The following ARHGAP12 variants were observed in gnomAD, a reference collection of about 807,000 sequenced individuals.
ARHGAP12 encodes the protein Rho GTPase activating protein 12, also known as rho GTPase-activating protein 12.
Under a neutral mutation model 108.6 loss-of-function variants are expected in ARHGAP12, and 64 were observed. The ratio of observed to expected loss-of-function variants is 0.59; its 90% CI spans 0.48 to 0.73. The LOEUF (loss-of-function observed/expected upper bound fraction) is 0.73, where lower values mean the gene tolerates loss of function less well. Ranked by LOEUF, ARHGAP12 falls within the 30% of genes least tolerant of loss-of-function variation. ARHGAP12 has a pLI of 0.00. For synonymous variants in ARHGAP12, 312 were observed against 337.2 expected (o/e 0.93, Z 0.82); for missense variants, 940 against 1,005.9 (o/e 0.93, Z 0.89).
In ARHGAP12 at chr10:31,806,359, G is replaced by GA. The variant is rs1447476984; in HGVS notation, c.*1298dup. 1 of 152,494 alleles carries GA rather than the reference G, an allele frequency of 6.6e-6. No individual in the cohort carries two copies. Among genetic ancestry groups the GA allele is most frequent in the East Asian group, 1.9e-4 (1 of 5,194 alleles). The allele number at this position is 152,494 out of a possible 1,614,324, so 9.4% of individuals were successfully genotyped here. A position where few individuals can be genotyped will look rare whatever the true frequency, so the allele number is the denominator to read the frequency against. On this transcript the variant is annotated 3_prime_UTR_variant, in exon 20 of 20. Coordinates refer to ENST00000344936, the MANE Select transcript of ARHGAP12 (RefSeq NM_018287.7). ...CATTTCATGTACAGAAGTTAATCTA[G>GA]AAAAATACATTTTAAAAATCTTCAA...
chr10:31,908,355 T>C lies in ARHGAP12; in HGVS notation c.501A>G (p.Lys167=), dbSNP rs772733370. 6.2e-7 allele frequency: 1 copy of C among 1,614,194 alleles called. No homozygotes were observed. The highest frequency in any genetic ancestry group is 2.2e-5 in the East Asian group (1 of 44,886). The change falls in exon 3 of 20, where the codon AAA becomes AAG. Residue 167 remains lysine (K), a synonymous_variant. Coordinates refer to ENST00000344936, the MANE Select transcript of ARHGAP12 (RefSeq NM_018287.7). Reference sequence around the variant, plus strand: ...AGCGTGTCCTATTCTGGCTGGAAACTTTAGGAGAATGTGAGTCATTGTTAA... The same window carrying C: ...AGCGTGTCCTATTCTGGCTGGAAACCTTAGGAGAATGTGAGTCATTGTTAA... ...GKFNNDSHSP[K]VSSQNRTRSF...
At chr10:31,839,462 G>A in intron 8 of ARHGAP12, 143 bp from the exon 9 acceptor site, 1 of 1,077,332 alleles carries the variant, frequency 9.3e-7, no homozygotes, top group African/African-American at 1.6e-5. Context: ...AACAAAAGGG[G>A]GACTTTTAAA....
intron 3 of ARHGAP12, among the ~76,000 whole-genome samples, chr10:31,875,029 C>T (rs2132346600): frequency 6.7e-6 from 1 of 148,882 alleles, no homozygotes; most frequent in Middle Eastern, 3.5e-3. Flanking sequence ...CATGTATCTG[C>T]CAGAAAACTT....
chr10:31,847,692 T>C (rs1836512984), intron 6 of ARHGAP12, among the ~76,000 whole-genome samples: 1 of 152,126 alleles, frequency 6.6e-6, no homozygotes, highest in Non-Finnish European at 1.5e-5. Flanking sequence ...ATAGGGAGGA[T>C]GCATCACAGG....
intron 10 of ARHGAP12, among the ~76,000 whole-genome samples, chr10:31,827,708 G>A (rs796419394): frequency 4.8e-4 from 73 of 151,748 alleles, no homozygotes; most frequent in African/African-American, 1.5e-3. Context: ...GGAGAATGGC[G>A]TGAACCCGGG....
intron 1 of ARHGAP12, among the ~76,000 whole-genome samples, chr10:31,911,556 C>T (rs1839349141): frequency 6.6e-6 from 1 of 152,168 alleles, no homozygotes; most frequent in Non-Finnish European, 1.5e-5. Flanking sequence ...TCATGTGATC[C>T]ACCCACCTCT....
intron 3 of ARHGAP12, among the ~76,000 whole-genome samples, chr10:31,890,110 T>C (rs1356275251): frequency 1.3e-5 from 2 of 152,122 alleles, no homozygotes; most frequent in Non-Finnish European, 2.9e-5. Context: ...TTAAACCTAA[T>C]GACAATTCTG....
chr10:31,928,109 CTGCAAGCCCCA>C (rs1454845484), intron 1 of ARHGAP12, among the ~76,000 whole-genome samples: 1 of 152,116 alleles, frequency 6.6e-6, no homozygotes, highest in Non-Finnish European at 1.5e-5. Flanking sequence ...GGGTGGAGGC[CTGCAAGCCCCA>C]CCGCGATTAG....
chr10:31,816,278 C>T (rs553947737), intron 13 of ARHGAP12, among the ~76,000 whole-genome samples: 23 of 149,310 alleles, frequency 1.5e-4, no homozygotes, highest in African/African-American at 5.7e-4. Context: ...CAAAACAAAA[C>T]AAAAATCCAC....
chr10:31,902,783 C>T (rs1838982795), intron 3 of ARHGAP12, among the ~76,000 whole-genome samples: 2 of 152,000 alleles, frequency 1.3e-5, no homozygotes. Flanking sequence ...TGATGGTTAA[C>T]TGTATGTGTC....
chr10:31,907,471 AAAT>A lies in ARHGAP12; in HGVS notation c.684+698_684+700del, dbSNP rs776749989. Among the ~76,000 whole-genome samples the A allele has an allele frequency of 6.4e-3, 803 of 125,358 alleles. 3 individuals are homozygous for A. Among genetic ancestry groups the A allele is most frequent in the Middle Eastern group, 0.017 (4 of 242 alleles). The allele number at this position is 125,358 out of a possible 152,430, so 82.2% of individuals were successfully genotyped here. On this transcript the variant is annotated intron_variant, in intron 3 of 19. Transcript: ENST00000344936. The stretch of plus-strand genomic sequence containing the variant: ...GAGATCCTGTCTCTAAAAAAAAAAA[AAAT>A]TTTTTTTTAATTAGCTGGCTGTGGT...
chr10:31,857,525 A>G (rs551337526), intron 4 of ARHGAP12, among the ~76,000 whole-genome samples: 88 of 152,296 alleles, frequency 5.8e-4, no homozygotes, highest in African/African-American at 2.0e-3. Context: ...GCCTATATTC[A>G]GATACAGCTA....
chr10:31,902,823 T>C (rs1386191472), intron 3 of ARHGAP12, among the ~76,000 whole-genome samples: 1 of 152,204 alleles, frequency 6.6e-6, no homozygotes, highest in Non-Finnish European at 1.5e-5. Flanking sequence ...ACTCAGATAT[T>C]TCCATTATTC....
Position 31,906,193 on chromosome 10 carries a change from G to A in ARHGAP12, c.684+1979C>T, listed in dbSNP as rs535717699. Among the ~76,000 whole-genome samples, 17 of 152,246 alleles carry A rather than the reference G, an allele frequency of 1.1e-4. 1 individual carries two copies. The South Asian group carries it at 3.3e-3, about 30-fold the overall frequency. On this transcript the variant is annotated intron_variant, in intron 3 of 19. Transcript: ENST00000344936. ...CCCCTCCAGCCCCAGCCTTCATTAG[G>A]ACTGCAACCTCAGGAGACATCCCTA...
chr10:31,867,118 GTT>G (rs1323433083), intron 3 of ARHGAP12, among the ~76,000 whole-genome samples: 3 of 138,518 alleles, frequency 2.2e-5, no homozygotes, highest in Admixed American at 7.2e-5. Context: ...TCTTTTTTTT[GTT>G]TTTTTTTTTT....
At chr10:31,818,397 A>C (rs1225562007) in intron 12 of ARHGAP12, among the ~76,000 whole-genome samples, 2 of 152,186 alleles carry the variant, frequency 1.3e-5, no homozygotes, top group Non-Finnish European at 2.9e-5. Flanking sequence ...TAAATGTCAC[A>C]CCCCTTTTGG....
chr10:31,821,216 A>G (rs913130495), intron 11 of ARHGAP12, among the ~76,000 whole-genome samples: 10 of 152,184 alleles, frequency 6.6e-5, no homozygotes, highest in African/African-American at 2.4e-4. Context: ...CAGCAATTTA[A>G]TGAGGAACTA....
chr10:31,896,547 T>G (rs146682044), intron 3 of ARHGAP12, among the ~76,000 whole-genome samples: 108 of 152,204 alleles, frequency 7.1e-4, no homozygotes, highest in African/African-American at 2.5e-3. Context: ...TTTCTAATGA[T>G]AGGGACCTGG....
intron 3 of ARHGAP12, among the ~76,000 whole-genome samples, chr10:31,867,109 C>CT (rs1162757740): frequency 1.5e-4 from 22 of 147,164 alleles, no homozygotes; most frequent in African/African-American, 3.5e-4. Flanking sequence ...ACCTTGTTTT[C>CT]TTTTTTTTGT....
Sources: allele counts gnomAD v4.1 joint callset (sites outside exome capture counted in the v4.1 genomes callset), GRCh38; gene constraint gnomAD v4.1.1; transcripts MANE v1.5; gene names NCBI Gene and HGNC (gene_info 2026-07-23, HGNC 2026-07-21).